JADE3: variants seen among roughly 807,000 people sequenced by gnomAD.
JADE3 encodes the protein jade family PHD finger 3, also known as protein Jade-3.
JADE3 carries 2 observed loss-of-function variants against 50.1 expected under a neutral mutation model. The observed-to-expected ratio is 0.04, with a 90% confidence interval of 0.02 to 0.13. The LOEUF (loss-of-function observed/expected upper bound fraction) is 0.13, where lower values mean the gene tolerates loss of function less well. Among genes scored for constraint, JADE3 ranks in the 10% least tolerant of loss-of-function variants. JADE3 has a pLI of 1.00. For synonymous variants in JADE3, 218 were observed against 232.9 expected, an observed-to-expected ratio of 0.94 and a Z score of 0.58; for missense variants, 475 against 634.4, an observed-to-expected ratio of 0.75 and a Z score of 2.70.
chrX:47,022,232 G>C (rs1556364640), intron 4 of JADE3, among the ~76,000 whole-genome samples: 1 of 112,100 alleles, frequency 8.9e-6, no homozygotes, highest in Admixed American at 9.5e-5. Flanking sequence ...TAATCTCATA[G>C]TCTCTAAAGA....
At position 46,923,393 on chromosome X, in the gene JADE3, C is replaced by CTTTTTTTTTTTTTTTTTTT; in HGVS notation, c.-12+10684_-12+10702dup. On this transcript the variant is annotated intron_variant, in intron 1 of 10. Transcript: ENST00000614628. ...ATTTCTTTTCTCTCTCTCTCTCTCT[C>CTTTTTTTTTTTTTTTTTTT]TTTTTTTTTTTTTTTTTTTTTTTTT... 3.0e-3 allele frequency among the ~76,000 whole-genome samples: 35 copies of CTTTTTTTTTTTTTTTTTTT among 11,522 alleles called. 5 individuals carry two copies. Among genetic ancestry groups the CTTTTTTTTTTTTTTTTTTT allele is most frequent in the Non-Finnish European group, 6.1e-3 (30 of 4,943 alleles). The allele number at this position is 11,522 out of a possible 115,157, so 10.0% of individuals were successfully genotyped here. A position where few individuals can be genotyped will look rare whatever the true frequency, so the allele number is the denominator to read the frequency against.
At chrX:47,002,934 G>A (rs1351830349) in intron 4 of JADE3, among the ~76,000 whole-genome samples, 1 of 111,133 alleles carries the variant, frequency 9.0e-6, no homozygotes, top group African/African-American at 3.3e-5. Context: ...TAACTATAGG[G>A]TTTTTCATAG....
intron 1 of JADE3, among the ~76,000 whole-genome samples, chrX:46,983,253 C>T (rs1389894754): frequency 9.0e-6 from 1 of 111,671 alleles, no homozygotes; most frequent in Non-Finnish European, 1.9e-5. Context: ...TGCCCTGCCT[C>T]TCTCCCTGGG....
Position 47,028,397 on chromosome X carries a change from C to T in JADE3, c.687+294C>T, listed in dbSNP as rs782296241. Among the ~76,000 whole-genome samples the T allele has an allele frequency of 2.7e-5, 3 of 109,893 alleles. No homozygotes were observed. In the East Asian group the frequency reaches 8.7e-4, roughly 32 times the overall value. ...CCCTAGGCCCCTGCCCCAGGGGGAT[C>T]TCATTGCTGCCTGTCTGAGGTCTCT... On this transcript the variant is annotated intron_variant, in intron 6 of 10. Transcript: ENST00000614628.
At chrX:47,032,936 G>A (rs781840515) in intron 6 of JADE3, among the ~76,000 whole-genome samples, 1 of 111,438 alleles carries the variant, frequency 9.0e-6, no homozygotes, top group African/African-American at 3.3e-5. Context: ...TAGCAAAAAG[G>A]GAGTCTAGAA....
At chrX:47,050,008 G>T (rs5906316) in intron 8 of JADE3, among the ~76,000 whole-genome samples, 1 of 107,748 alleles carries the variant, frequency 9.3e-6, no homozygotes, top group Non-Finnish European at 1.9e-5. Flanking sequence ...TGGCACAATC[G>T]TGGCTCCTTT....
intron 4 of JADE3, among the ~76,000 whole-genome samples, chrX:46,999,325 A>G (rs1203973855): frequency 9.3e-6 from 1 of 107,113 alleles, no homozygotes; most frequent in Non-Finnish European, 1.9e-5. Flanking sequence ...ACACCATCAC[A>G]TTGGGAATTA....
chrX:47,057,683 C>G (rs1037585029), intron 10 of JADE3, among the ~76,000 whole-genome samples: 3 of 111,772 alleles, frequency 2.7e-5, no homozygotes, highest in Non-Finnish European at 5.6e-5. Context: ...AAAACCCTTG[C>G]AACGTTTCTG....
intron 3 of JADE3, among the ~76,000 whole-genome samples, chrX:46,990,374 A>C (rs1302419335): frequency 1.8e-5 from 2 of 112,116 alleles, no homozygotes; most frequent in African/African-American, 6.5e-5. Context: ...TACCTGTTGT[A>C]GAATTCCTGA....
chrX:46,974,068 G>A (rs890729670), intron 1 of JADE3, among the ~76,000 whole-genome samples: 2 of 107,435 alleles, frequency 1.9e-5, no homozygotes, highest in Admixed American at 2.0e-4. Context: ...CAACAAGAGC[G>A]AAACTCCATC....
intron 8 of JADE3, among the ~76,000 whole-genome samples, chrX:47,050,171 C>T (rs782568362): frequency 9.1e-6 from 1 of 110,461 alleles, no homozygotes; most frequent in Non-Finnish European, 1.9e-5. Flanking sequence ...TGAGCTCAAG[C>T]GATCCTCTTG....
intron 3 of JADE3, among the ~76,000 whole-genome samples, chrX:46,993,310 C>T (rs891003497): frequency 8.9e-6 from 1 of 111,807 alleles, no homozygotes; most frequent in Non-Finnish European, 1.9e-5. Flanking sequence ...CTAGTAAAGC[C>T]TGTTTACATC....
chrX:46,987,127 A>T (rs782391750), intron 3 of JADE3, among the ~76,000 whole-genome samples: 101 of 112,245 alleles, frequency 9.0e-4, no homozygotes, highest in Non-Finnish European at 1.5e-3. Context: ...TGTTGTAGGC[A>T]GAATTTGTCT....
intron 10 of JADE3, among the ~76,000 whole-genome samples, chrX:47,057,356 A>G (rs1929650534): frequency 9.0e-6 from 1 of 111,726 alleles, no homozygotes; most frequent in South Asian, 3.7e-4. Context: ...TCCATATACA[A>G]GGAGGAATTG....
chrX:46,959,059 A>G (rs1040835975), intron 1 of JADE3, among the ~76,000 whole-genome samples: 1 of 112,137 alleles, frequency 8.9e-6, no homozygotes, highest in African/African-American at 3.2e-5. Context: ...AATTCCAGTT[A>G]CTATTTTTCT....
chrX:46,951,781 G>A (rs1420886826), intron 1 of JADE3, among the ~76,000 whole-genome samples: 1 of 110,046 alleles, frequency 9.1e-6, no homozygotes. Flanking sequence ...CCATTCTGCT[G>A]TTGTGTTCTT....
Position 47,058,469 on chromosome X carries a change from G to A in JADE3, c.1864G>A (p.Ala622Thr). ...GAGTGAAGCAAAGGAGTCCAGTCCT[G>A]CTTGGAGAACCCCGTCCTCGGAGTG... The part of the protein sequence containing the change: ...SRSEAKESSP[A>T]WRTPSSECYH... Residue 622 changes from alanine to threonine, a missense_variant, in exon 11 of 11, where the codon GCT (alanine) becomes ACT (threonine). By Grantham distance (58) the Ala-to-Thr change is moderately conservative (BLOSUM62 0). Transcript: ENST00000614628. 2 of 1,211,561 alleles carry A rather than the reference G, an allele frequency of 1.7e-6. No homozygotes were observed. Among genetic ancestry groups the A allele is most frequent in the Admixed American group, 2.2e-5 (1 of 46,005 alleles).
intron 3 of JADE3, among the ~76,000 whole-genome samples, chrX:46,988,924 C>T (rs1159097836): frequency 8.9e-6 from 1 of 112,507 alleles, no homozygotes; most frequent in Non-Finnish European, 1.9e-5. Context: ...ACTGCAACCT[C>T]CGCCTCCCAG....
intron 3 of JADE3, among the ~76,000 whole-genome samples, chrX:46,989,984 C>T (rs782383863): frequency 9.0e-6 from 1 of 110,557 alleles, no homozygotes; most frequent in South Asian, 3.8e-4. Flanking sequence ...TTGAGCCTAT[C>T]TTATGAGTTT....
Sources: allele counts gnomAD v4.1 joint callset (sites outside exome capture counted in the v4.1 genomes callset), GRCh38; gene constraint gnomAD v4.1.1; transcripts MANE v1.5; gene names NCBI Gene and HGNC (gene_info 2026-07-23, HGNC 2026-07-21).